Variants in UPRT observed in about 807,000 individuals in gnomAD.
UPRT encodes RP11-311P8.3.
In UPRT, 5 loss-of-function variants were observed where a neutral mutation model predicts 22.6. That is an observed-to-expected ratio of 0.22 (90% CI 0.12 to 0.47). UPRT has a LOEUF of 0.47. Among genes scored for constraint, UPRT ranks in the 20% least tolerant of loss-of-function variants. The pLI is 0.99. For missense variants in UPRT, 181 were observed against 239.9 expected (o/e 0.75, Z 1.62); for synonymous variants, 77 against 87.7 (o/e 0.88, Z 0.68).
chrX:75,192,174 C>G (rs1456801916), intron 4 of UPRT, among the ~76,000 whole-genome samples: 1 of 111,668 alleles, frequency 9.0e-6, no homozygotes, highest in Non-Finnish European at 1.9e-5. Context: ...TTTTTCTTAT[C>G]AGTTTCAAAG....
intron 4 of UPRT, among the ~76,000 whole-genome samples, chrX:75,223,574 G>T (rs1309294390): frequency 9.0e-6 from 1 of 111,599 alleles, no homozygotes; most frequent in Non-Finnish European, 1.9e-5. Flanking sequence ...TGCTCTCTCT[G>T]TGGGCATCAG....
At chrX:75,185,046 T>C (rs1293540349) in intron 4 of UPRT, among the ~76,000 whole-genome samples, 1 of 111,364 alleles carries the variant, frequency 9.0e-6, no homozygotes, top group African/African-American at 3.3e-5. Context: ...GGCCAGAACT[T>C]CCAACACTAT....
intron 4 of UPRT, among the ~76,000 whole-genome samples, chrX:75,265,576 T>C (rs763308891): frequency 1.2e-4 from 13 of 111,859 alleles, no homozygotes; most frequent in African/African-American, 3.9e-4. Context: ...TAGTTATCCA[T>C]TTGTCTAATC....
chrX:75,253,229 C>G (rs1182188131), intron 4 of UPRT, among the ~76,000 whole-genome samples: 1 of 110,900 alleles, frequency 9.0e-6, no homozygotes, highest in African/African-American at 3.3e-5. Context: ...AACAAACAAC[C>G]CAATTAAGAA....
chrX:75,271,723 A>G (rs1005974322), upstream of UPRT, among the ~76,000 whole-genome samples: 3 of 112,038 alleles, frequency 2.7e-5, no homozygotes, highest in Non-Finnish European at 5.6e-5. Flanking sequence ...ATACAGTGGG[A>G]GAAAATCTTC....
At chrX:75,167,641 C>T (rs1359293561) in intron 3 of UPRT, among the ~76,000 whole-genome samples, 2 of 111,943 alleles carry the variant, frequency 1.8e-5, no homozygotes, top group African/African-American at 6.5e-5. Flanking sequence ...CATTACTATG[C>T]AATGTTGAGC....
chrX:75,156,918 C>CAA (rs2082182503), intron 1 of UPRT, among the ~76,000 whole-genome samples: 1 of 108,967 alleles, frequency 9.2e-6, no homozygotes. Flanking sequence ...CACACACACA[C>CAA]ACACACACAG....
chrX:75,205,233 G>A (rs1470137189), intron 4 of UPRT, among the ~76,000 whole-genome samples: 1 of 108,527 alleles, frequency 9.2e-6, no homozygotes, highest in Non-Finnish European at 1.9e-5. Context: ...AGCCGGGCGC[G>A]GTGGCGGGCG....
chrX:75,254,869 G>A (rs894271273), intron 4 of UPRT, among the ~76,000 whole-genome samples: 4 of 104,957 alleles, frequency 3.8e-5, no homozygotes, highest in African/African-American at 7.2e-5. Flanking sequence ...TCCGCTTCCC[G>A]GGTTCACGCC....
At chrX:75,169,494 T>G (rs1185973188) in intron 4 of UPRT, among the ~76,000 whole-genome samples, 2 of 111,803 alleles carry the variant, frequency 1.8e-5, no homozygotes, top group Middle Eastern at 4.3e-3. Flanking sequence ...TGCACTGTGG[T>G]TTTGATTTTA....
chrX:75,300,749 T>C (rs2082741248), intron 5 of UPRT, 118 bp from the exon 6 acceptor site: 11 of 528,250 alleles, frequency 2.1e-5, no homozygotes, highest in Non-Finnish European at 3.4e-5. Flanking sequence ...ATCATGCCAC[T>C]GCACTCCAGC....
chrX:75,260,813 C>T (rs999040090), intron 4 of UPRT, among the ~76,000 whole-genome samples: 17 of 111,738 alleles, frequency 1.5e-4, no homozygotes, highest in African/African-American at 5.5e-4. Context: ...CTTCTCAGCA[C>T]CACATCACAT....
intron 4 of UPRT, among the ~76,000 whole-genome samples, chrX:75,215,451 C>G (rs1383855295): frequency 1.8e-5 from 2 of 110,813 alleles, no homozygotes; most frequent in Admixed American, 1.9e-4. Context: ...TTGAAAAGAT[C>G]AATAAAATTG....
chrX:75,238,658 T>G (rs887511539), intron 4 of UPRT, among the ~76,000 whole-genome samples: 5 of 111,343 alleles, frequency 4.5e-5, no homozygotes, highest in African/African-American at 1.3e-4. Flanking sequence ...AACTGCAGAA[T>G]ATACATTCTT....
chrX:75,172,590 G>A (rs2082231372), intron 4 of UPRT, among the ~76,000 whole-genome samples: 2 of 111,771 alleles, frequency 1.8e-5, no homozygotes, highest in African/African-American at 3.3e-5. Flanking sequence ...ATGAAGCCAC[G>A]GACCCTTGCG....
intron 4 of UPRT, among the ~76,000 whole-genome samples, chrX:75,196,036 C>T (rs377151452): frequency 5.4e-5 from 6 of 111,669 alleles, no homozygotes; most frequent in Non-Finnish European, 7.5e-5. Context: ...TTAGCTTTTC[C>T]GTACTGAAAA....
At chrX:75,185,446 C>A (rs1251824918) in intron 4 of UPRT, among the ~76,000 whole-genome samples, 1 of 111,953 alleles carries the variant, frequency 8.9e-6, no homozygotes, top group African/African-American at 3.2e-5. Context: ...AGGATTTTTG[C>A]ATCTATGTTC....
At chrX:75,163,285 C>A (rs2082205010) in intron 3 of UPRT, among the ~76,000 whole-genome samples, 1 of 111,915 alleles carries the variant, frequency 8.9e-6, no homozygotes, top group Non-Finnish European at 1.9e-5. Flanking sequence ...TGGTTTTGAA[C>A]CTTTCTTTCA....
At chrX:75,204,118 G>A (rs1295715261) in intron 4 of UPRT, among the ~76,000 whole-genome samples, 2 of 109,503 alleles carry the variant, frequency 1.8e-5, no homozygotes, top group African/African-American at 6.7e-5. Context: ...TTCAGCCTTC[G>A]GGAGATAAAG....
Sources: allele counts gnomAD v4.1 joint callset (sites outside exome capture counted in the v4.1 genomes callset), GRCh38; gene constraint gnomAD v4.1.1; transcripts MANE v1.5; gene names NCBI Gene and HGNC (gene_info 2026-07-23, HGNC 2026-07-21).